The following SATB2 variants were observed in gnomAD, a reference collection of about 807,000 sequenced individuals.
SATB2 encodes the protein DNA-binding protein SATB2.
SATB2 carries 1 observed loss-of-function variant against 73.4 expected under a neutral mutation model. That is an observed-to-expected ratio of 0.01 (90% CI 0.00 to 0.06). The LOEUF (loss-of-function observed/expected upper bound fraction) is 0.06. SATB2 is among the 10% of genes least tolerant of loss of function. The pLI, the probability that SATB2 is intolerant of heterozygous loss-of-function variation, is 1.00. For synonymous variants in SATB2, 397 were observed against 367.0 expected, an observed-to-expected ratio of 1.08 and a Z score of -0.93; for missense variants, 459 against 945.8, an observed-to-expected ratio of 0.49 and a Z score of 6.75.
At chr2:199,468,257 A>G (rs1559073392), upstream of SATB2, 1 of 150,906 alleles carries the variant, frequency 6.6e-6, no homozygotes, top group East Asian at 1.9e-4. Context: ...GCTTCCTGCA[A>G]CCCGGTAGGA....
At chr2:199,418,475 A>C (rs550404587) in intron 3 of SATB2, among the ~76,000 whole-genome samples, 69 of 152,298 alleles carry the variant, frequency 4.5e-4, no homozygotes, top group African/African-American at 1.5e-3. Flanking sequence ...TTCAAAATTA[A>C]AAGGAAATTA....
rs750838775 is a variant in SATB2, at chr2:199,308,732, G to A, written c.1740+28C>T. ...TGCTGGCACACAGAGCCCTGATCAG[G>A]TGGGGTACGGCGGTCGGGGACACTG... is the stretch of plus-strand genomic sequence containing the variant. On this transcript the variant is annotated intron_variant, in intron 10 of 10. Coordinates refer to ENST00000417098, the MANE Select transcript of SATB2 (RefSeq NM_001172509.2). This position sits in a 1 kb window ranked among gnomAD's most constrained non-coding sequence, Gnocchi z 4.6. 4.2e-5 allele frequency: 67 copies of A among 1,602,242 alleles called. No homozygotes were observed. The highest frequency in any genetic ancestry group is 4.5e-5 in the Non-Finnish European group (53 of 1,169,546).
chr2:199,374,242 A>G (rs1689531522), intron 5 of SATB2, among the ~76,000 whole-genome samples: 1 of 152,256 alleles, frequency 6.6e-6, no homozygotes, highest in Admixed American at 6.5e-5. Context: ...ACAAAGTCTC[A>G]GCCAGCACCA....
chr2:199,463,933 C>G lies in SATB2; in HGVS notation c.-141+903G>C, dbSNP rs956469377. Among the ~76,000 whole-genome samples, 1 of 152,188 alleles carries G rather than the reference C, an allele frequency of 6.6e-6. No individual in the cohort carries two copies. Among genetic ancestry groups the G allele is most frequent in the Non-Finnish European group, 1.5e-5 (1 of 68,030 alleles). On this transcript the variant is annotated intron_variant, in intron 1 of 11. Coordinates refer to the SATB2 transcript ENST00000260926. This position sits in a 1 kb window ranked among gnomAD's most constrained non-coding sequence, Gnocchi z 6.4. Reference sequence around the variant, plus strand: ...AAGGGGGCCCAAACCGCAGTTGCCTCCCGAACGCTTTGAGGCTATGGGCCC... The same window carrying G: ...AAGGGGGCCCAAACCGCAGTTGCCTGCCGAACGCTTTGAGGCTATGGGCCC...
chr2:199,388,849 C>A (rs1000720404), intron 3 of SATB2, among the ~76,000 whole-genome samples: 7 of 152,086 alleles, frequency 4.6e-5, no homozygotes, highest in Non-Finnish European at 1.0e-4. Context: ...GCTGATGAGG[C>A]TCCTTGTAAA....
chr2:199,286,911 A>G (rs1043393456), intron 10 of SATB2, among the ~76,000 whole-genome samples: 3 of 152,222 alleles, frequency 2.0e-5, no homozygotes, highest in Non-Finnish European at 2.9e-5. Context: ...TTGCACCAGC[A>G]TACATGAAAG....
At chr2:199,312,724 C>T (rs1389018826) in intron 9 of SATB2, among the ~76,000 whole-genome samples, 1 of 152,048 alleles carries the variant, frequency 6.6e-6, no homozygotes, top group Non-Finnish European at 1.5e-5. Flanking sequence ...AAAAAATAAC[C>T]TTGACAAAGT....
At chr2:199,370,546 A>G (rs1339447615) in intron 5 of SATB2, among the ~76,000 whole-genome samples, 1 of 152,158 alleles carries the variant, frequency 6.6e-6, no homozygotes, top group African/African-American at 2.4e-5. Context: ...CTGTATTGCC[A>G]AATGGTCTAG....
At chr2:199,408,793 C>T (rs1574600077) in intron 3 of SATB2, among the ~76,000 whole-genome samples, 1 of 152,006 alleles carries the variant, frequency 6.6e-6, no homozygotes, top group Middle Eastern at 3.4e-3. Flanking sequence ...TTTATAATCC[C>T]TAGAAATAGT....
At position 199,272,377 on chromosome 2, in the gene SATB2, T is replaced by C. The variant is rs1345171175; in HGVS notation, c.2036A>G (p.His679Arg). 1 of 1,614,152 alleles carries C rather than the reference T, an allele frequency of 6.2e-7. No individual in the cohort carries two copies. The change falls in exon 11 of 11, where the codon CAC becomes CGC. Residue 679 changes from histidine (H) to arginine (R), a missense_variant. Physicochemically the swap from His to Arg is conservative, Grantham distance 29 (BLOSUM62 0). This residue lies in a region of SATB2 where 13 missense variants were observed against 18.1 expected (regional missense o/e 0.72). Coordinates refer to ENST00000417098, the MANE Select transcript of SATB2 (RefSeq NM_001172509.2). This position sits in a 1 kb window ranked among gnomAD's most constrained non-coding sequence, Gnocchi z 6.7. ...HVKHHGKLKE[H>R]LGSAVDVAEY... The stretch of plus-strand genomic sequence containing the variant: ...AGCCACGTCCACCGCGGAGCCCAGG[T>C]GCTCTTTCAGCTTCCCGTGGTGCTT...
In SATB2 at chr2:199,442,370, G is replaced by A. The variant is rs940395011; in HGVS notation, c.170-8856C>T. Among the ~76,000 whole-genome samples the A allele has an allele frequency of 5.3e-5, 8 of 152,286 alleles. No homozygotes were observed. In the South Asian group the frequency reaches 1.7e-3, roughly 32 times the overall value. On this transcript the variant is annotated intron_variant, in intron 2 of 10. Transcript: ENST00000417098. ...TGCGTGACCACTATTGACAGAACTT[G>A]TCAGGGTATCACCACGGGCATCGCA...
At chr2:199,283,138 C>T (rs925703400) in intron 10 of SATB2, among the ~76,000 whole-genome samples, 2 of 150,062 alleles carry the variant, frequency 1.3e-5, no homozygotes, top group Admixed American at 1.3e-4. Flanking sequence ...GGCTGGAGTG[C>T]AATGGTGCGA....
intron 8 of SATB2, chr2:199,325,600 G>A (rs1466245207): frequency 2.0e-5 from 3 of 152,256 alleles, no homozygotes; most frequent in Middle Eastern, 3.4e-3. Flanking sequence ...TTAAGAGAAC[G>A]TTTTAGCATA....
intron 9 of SATB2, among the ~76,000 whole-genome samples, chr2:199,320,168 T>C (rs1687846398): frequency 6.6e-6 from 1 of 152,102 alleles, no homozygotes; most frequent in South Asian, 2.1e-4. Context: ...TGGTGGCCCT[T>C]TGTATGTGAG....
At chr2:199,401,728 G>A (rs1690485206) in intron 3 of SATB2, among the ~76,000 whole-genome samples, 1 of 152,114 alleles carries the variant, frequency 6.6e-6, no homozygotes, top group East Asian at 1.9e-4. Context: ...AAACCAGGAA[G>A]TCTGGGCAGG....
At chr2:199,321,419 T>A (rs1315087274) in intron 9 of SATB2, among the ~76,000 whole-genome samples, 9 of 150,966 alleles carry the variant, frequency 6.0e-5, no homozygotes, top group Non-Finnish European at 1.2e-4. Context: ...ATACACCTTA[T>A]GGATATATAT....
At chr2:199,307,401 T>A (rs752939701) in intron 10 of SATB2, among the ~76,000 whole-genome samples, 5 of 152,148 alleles carry the variant, frequency 3.3e-5, no homozygotes, top group African/African-American at 7.2e-5. Context: ...GGTTTAATTA[T>A]CTAAAAGAAG....
Position 199,463,173 on chromosome 2 carries a change from C to T in SATB2, c.-141+1663G>A, listed in dbSNP as rs1286071703. Among the ~76,000 whole-genome samples, 1 of 152,182 alleles carries T rather than the reference C, an allele frequency of 6.6e-6. No individual in the cohort carries two copies. The highest frequency in any genetic ancestry group is 1.5e-5 in the Non-Finnish European group (1 of 68,032). ...ACACCAGGCAACGCCCCCCGGGGCG[C>T]CCTTCATTCTTTTGCAGAGCCCAGA... On this transcript the variant is annotated intron_variant, in intron 1 of 11. Transcript: ENST00000260926. The surrounding 1 kb of genome is among the most constrained non-coding windows in gnomAD (Gnocchi z 6.4).
At chr2:199,359,985 T>G (rs895224224) in intron 6 of SATB2, among the ~76,000 whole-genome samples, 3 of 152,324 alleles carry the variant, frequency 2.0e-5, no homozygotes, top group African/African-American at 7.2e-5. Flanking sequence ...TAAATAACTG[T>G]CTCCCATTAG....
Sources: gnomAD v4.1 joint callset for allele counts (sites outside exome capture counted in the v4.1 genomes callset) on GRCh38, gnomAD v4.1.1 for gene constraint, gnomAD v4.1.1 regional missense constraint, Gnocchi (gnomAD v3.1) non-coding constraint, MANE v1.5 for transcripts, NCBI Gene and HGNC (gene_info 2026-07-23, HGNC 2026-07-21) for gene names.